The following TOPORS variants were observed in gnomAD, a reference collection of about 807,000 sequenced individuals.
TOPORS encodes E3 ubiquitin-protein ligase Topors.
Under a neutral mutation model 81.4 loss-of-function variants are expected in TOPORS, and 25 were observed. The ratio of observed to expected loss-of-function variants is 0.31; its 90% CI spans 0.22 to 0.43. The LOEUF (loss-of-function observed/expected upper bound fraction) is 0.43. Among genes scored for constraint, TOPORS ranks in the 20% least tolerant of loss-of-function variants. The probability of loss-of-function intolerance (pLI) is 1.00; values close to 1 mark genes in which losing one functional copy is unlikely to be tolerated. For synonymous variants in TOPORS, 473 were observed against 456.6 expected (o/e 1.04, Z -0.46); for missense variants, 1,101 against 1,267.0 (o/e 0.87, Z 1.99).
At chr9:32,552,411 G>A in intron 1 of TOPORS, 23 bp downstream of exon 1, 1 of 1,608,770 alleles carries the variant, frequency 6.2e-7, no homozygotes, top group Non-Finnish European at 8.5e-7. Flanking sequence ...GCCAGCTCCC[G>A]CGGACTGCTG....
intron 2 of TOPORS, 47 bp downstream of exon 2, chr9:32,550,727 C>T: frequency 1.2e-6 from 2 of 1,607,370 alleles, no homozygotes; most frequent in Non-Finnish European, 1.7e-6. Flanking sequence ...CGCCAACTCC[C>T]ACGGCCCTTC....
chr9:32,543,980 G>A lies in TOPORS; in HGVS notation c.545C>T (p.Thr182Ile). 6.2e-7 allele frequency: 1 copy of A among 1,614,116 alleles called. No individual in the cohort carries two copies. Among genetic ancestry groups the A allele is most frequent in the Non-Finnish European group, 8.5e-7 (1 of 1,180,026 alleles). Residue 182 changes from threonine to isoleucine, a missense_variant, in exon 3 of 3, where the codon ACA becomes ATA. By Grantham distance (89) the Thr-to-Ile change is moderately conservative. Transcript: ENST00000360538. This position sits in a 1 kb window ranked among gnomAD's most constrained non-coding sequence, Gnocchi z 5.6. The part of the protein sequence containing the change: ...VTPDRRFRYR[T>I]TLTRERNASV... ...AGCATTTCGTTCCCTTGTCAGAGTTGTACGGTAGCGAAATCGTCGATCAGG... is the reference window on the plus strand; with the variant it reads ...AGCATTTCGTTCCCTTGTCAGAGTTATACGGTAGCGAAATCGTCGATCAGG...
chr9:32,540,648 T>C lies in TOPORS; in HGVS notation c.*739A>G, dbSNP rs1821042668. 2 of 152,566 alleles carry C rather than the reference T, an allele frequency of 1.3e-5. No individual in the cohort carries two copies. The highest frequency in any genetic ancestry group is 3.4e-3 in the Middle Eastern group (1 of 294). The allele number at this position is 152,566 out of a possible 1,614,324, so 9.5% of individuals were successfully genotyped here. A position where few individuals can be genotyped will look rare whatever the true frequency, so the allele number is the denominator to read the frequency against. On this transcript the variant is annotated 3_prime_UTR_variant, in exon 3 of 3. Transcript: ENST00000360538. Reference sequence around the variant, plus strand: ...CAAAATCAAAGAAAATAATTAAAACTATAAAGTATTTGTTCACCTGAAGTT... The same window carrying C: ...CAAAATCAAAGAAAATAATTAAAACCATAAAGTATTTGTTCACCTGAAGTT...
At chr9:32,549,614 G>A (rs1413827696) in intron 2 of TOPORS, among the ~76,000 whole-genome samples, 1 of 152,174 alleles carries the variant, frequency 6.6e-6, no homozygotes, top group Non-Finnish European at 1.5e-5. Flanking sequence ...TGAACACGAA[G>A]TGAATTTCGG....
rs747727912 is a variant in TOPORS, at chr9:32,547,999, ATTTTTTTTTT to A, written c.198+2765_198+2774del. ...ACAGGCGCCCGCCACCACGCTCGGC[ATTTTTTTTTT>A]TTTTTTTTTTTTTTGTATTTTTAGT... On this transcript the variant is annotated intron_variant, in intron 2 of 2. Coordinates refer to ENST00000360538, the MANE Select transcript of TOPORS (RefSeq NM_005802.5). 7.2e-5 allele frequency among the ~76,000 whole-genome samples: 6 copies of A among 83,732 alleles called. No individual in the cohort carries two copies. In the East Asian group the frequency reaches 9.8e-4, roughly 14 times the overall value. 54.9% of individuals were successfully genotyped at this position (83,732 alleles called of 152,430 possible).
At position 32,541,984 on chromosome 9, in the gene TOPORS, T is replaced by C; in HGVS notation, c.2541A>G (p.Arg847=). ...KNESDTFSDS[R]SSDRETKHKR... The stretch of plus-strand genomic sequence containing the variant: ...TGTGTTTTGTCTCTCTGTCTGATGA[T>C]CGGCTGTCTGAAAAGGTATCACTCT... The change falls in exon 3 of 3, where the codon CGA becomes CGG. Residue 847 remains arginine, a synonymous_variant. Transcript: ENST00000360538. The C allele has an allele frequency of 6.2e-7, 1 of 1,613,938 alleles. No individual in the cohort carries two copies. Among genetic ancestry groups the C allele is most frequent in the Non-Finnish European group, 8.5e-7 (1 of 1,179,990 alleles).
chr9:32,551,751 C>G, intron 1 of TOPORS: 1 of 441,708 alleles, frequency 2.3e-6, no homozygotes, highest in Non-Finnish European at 4.6e-6. Context: ...CGCGGCAGTT[C>G]AAGAACATCA....
chr9:32,551,874 G>C (rs1821275586), intron 1 of TOPORS: 1 of 399,168 alleles, frequency 2.5e-6, no homozygotes, highest in Admixed American at 2.7e-5. Flanking sequence ...AGAATGGCTC[G>C]ATTTACAGGG....
rs149598390 is a variant in TOPORS, at chr9:32,544,796, T to C, written c.199-470A>G. ...ACCCATGTATCCACCACTTATGTTA[T>C]GCCCCTTATCTTCCCCTCCTATCAC... On this transcript the variant is annotated intron_variant, in intron 2 of 2. Transcript: ENST00000360538. 4.8e-3 allele frequency among the ~76,000 whole-genome samples: 729 copies of C among 152,076 alleles called. 8 individuals are homozygous for C. The highest frequency in any genetic ancestry group is 0.017 in the African/African-American group (696 of 41,502).
rs111359713 is a variant in TOPORS at position 32,542,501 on chromosome 9, C to T, written c.2024G>A (p.Ser675Asn). The T allele has an allele frequency of 1.7e-5, 28 of 1,614,008 alleles. 2 individuals are homozygous for T. In the African/African-American group the frequency reaches 2.5e-4, roughly 15 times the overall value. The stretch of plus-strand genomic sequence containing the variant: ...CCGTGATCTTCTTTTACCATGATCA[C>T]TGCTACGAGACCTTGATCTGCTTGT... ...ESTSRSRSRS[S>N]DHGKRRSRSR... The change falls in exon 3 of 3, where the codon AGT becomes AAT. Residue 675 changes from serine to asparagine, a missense_variant. Around this residue, in one of 9 missense-constraint regions of TOPORS, gnomAD observed 605 missense variants for 636.1 expected, o/e 0.95. Transcript: ENST00000360538.
At chr9:32,550,383 C>T (rs1194256232) in intron 2 of TOPORS, among the ~76,000 whole-genome samples, 2 of 152,236 alleles carry the variant, frequency 1.3e-5, no homozygotes, top group Non-Finnish European at 2.9e-5. Context: ...CATTACATAA[C>T]CACAACGAAC....
In TOPORS at chr9:32,542,333, G is replaced by A. The variant is rs1398000730; in HGVS notation, c.2192C>T (p.Ser731Phe). 1.9e-6 allele frequency: 3 copies of A among 1,613,980 alleles called. No individual in the cohort carries two copies. Among genetic ancestry groups the A allele is most frequent in the Admixed American group, 3.3e-5 (2 of 59,996 alleles). The change falls in exon 3 of 3, where the codon TCT becomes TTT. Residue 731 changes from serine (S) to phenylalanine (F), a missense_variant. Around this residue, in one of 9 missense-constraint regions of TOPORS, gnomAD observed 605 missense variants for 636.1 expected, o/e 0.95. Transcript: ENST00000360538. ...AAATTCTGGACTTGAAGACTGTCTAGAATAATGAGCTCTGGACAGAGTCCT... is the reference window on the plus strand; with the variant it reads ...AAATTCTGGACTTGAAGACTGTCTAAAATAATGAGCTCTGGACAGAGTCCT... ...RRRTLSRAHY[S>F]RQSSSPEFRV...
chr9:32,551,432 G>C (rs997423512), intron 1 of TOPORS: 1 of 316,660 alleles, frequency 3.2e-6, no homozygotes, highest in Non-Finnish European at 6.2e-6. Flanking sequence ...AGCCCAACCA[G>C]TATCCTATAA....
In TOPORS at chr9:32,542,056, A is replaced by G; in HGVS notation, c.2469T>C (p.Ser823=). The change falls in exon 3 of 3, where the codon AGT becomes AGC. Residue 823 remains serine, a synonymous_variant. Coordinates refer to ENST00000360538, the MANE Select transcript of TOPORS (RefSeq NM_005802.5). ...SREFASKAKD[S]HYQKSSSKLD... is the part of the protein sequence containing the mutation. ...ATTTTGATGAAGATTTTTGGTAATG[A>G]CTGTCCTTTGCTTTAGAAGCAAATT... The G allele has an allele frequency of 6.2e-7, 1 of 1,614,096 alleles. No individual in the cohort carries two copies. Among genetic ancestry groups the G allele is most frequent in the Non-Finnish European group, 8.5e-7 (1 of 1,180,020 alleles).
Position 32,550,942 on chromosome 9 carries a change from C to G in TOPORS, c.30G>C (p.Pro10=), listed in dbSNP as rs1821234784. Reference sequence around the variant, plus strand: ...GCGCTTCACCCTCCTCGCGAGACAGCGGAGACCCCAGCGGCGGCTGCGACC... The same window carrying G: ...GCGCTTCACCCTCCTCGCGAGACAGGGGAGACCCCAGCGGCGGCTGCGACC... The part of the protein sequence containing the change: MGSQPPLGS[P]LSREEGEAPP... Residue 10 remains proline, a synonymous_variant, in exon 2 of 3, where the codon CCG becomes CCC. Coordinates refer to ENST00000360538, the MANE Select transcript of TOPORS (RefSeq NM_005802.5). The G allele has an allele frequency of 1.2e-6, 2 of 1,612,042 alleles. No homozygotes were observed. The highest frequency in any genetic ancestry group is 1.7e-6 in the Non-Finnish European group (2 of 1,179,826).
chr9:32,551,061 C>G (rs1821241551), intron 1 of TOPORS, 93 bp from the exon 2 acceptor site: 6 of 1,417,240 alleles, frequency 4.2e-6, no homozygotes, highest in Non-Finnish European at 1.9e-6. Flanking sequence ...AAACACAACA[C>G]CCGCCTTCCT....
chr9:32,541,046 A>G lies in TOPORS; in HGVS notation c.*341T>C, dbSNP rs563137078. On this transcript the variant is annotated 3_prime_UTR_variant, in exon 3 of 3. Coordinates refer to ENST00000360538, the MANE Select transcript of TOPORS (RefSeq NM_005802.5). ...TCTCAAAAAAAAAAAATTCAAAAAT[A>G]CTCATTGACTACCTTAAAAATATGT... is the stretch of plus-strand genomic sequence containing the variant. 11 of 177,680 alleles carry G rather than the reference A, an allele frequency of 6.2e-5. No individual in the cohort carries two copies. Among genetic ancestry groups the G allele is most frequent in the South Asian group, 3.7e-4 (3 of 8,056 alleles). The allele number at this position is 177,680 out of a possible 1,614,324, so 11.0% of individuals were successfully genotyped here. A position where few individuals can be genotyped will look rare whatever the true frequency, so the allele number is the denominator to read the frequency against.
chr9:32,549,034 G>A (rs1336372098), intron 2 of TOPORS, among the ~76,000 whole-genome samples: 1 of 151,992 alleles, frequency 6.6e-6, no homozygotes, highest in Non-Finnish European at 1.5e-5. Flanking sequence ...CTATGGCCGG[G>A]CGTGGTGGCT....
In TOPORS at chr9:32,541,309, A is replaced by G. The variant is rs1821052433; in HGVS notation, c.*78T>C. On this transcript the variant is annotated 3_prime_UTR_variant, in exon 3 of 3. Transcript: ENST00000360538. ...AGAGTTTTCACCAAATGTCATCTTT[A>G]AATAGACTGCAGTAGACGACATTCT... The G allele has an allele frequency of 7.2e-7, 1 of 1,395,350 alleles. No homozygotes were observed. Among genetic ancestry groups the G allele is most frequent in the African/African-American group, 1.4e-5 (1 of 70,194 alleles). 86.4% of individuals were successfully genotyped at this position (1,395,350 alleles called of 1,614,324 possible).
Sources: gnomAD v4.1 joint callset for allele counts (sites outside exome capture counted in the v4.1 genomes callset) on GRCh38, gnomAD v4.1.1 for gene constraint, gnomAD v4.1.1 regional missense constraint, Gnocchi (gnomAD v3.1) non-coding constraint, MANE v1.5 for transcripts, NCBI Gene and HGNC (gene_info 2026-07-23, HGNC 2026-07-21) for gene names.